The following CHMP6 variants were observed in gnomAD, a reference collection of about 807,000 sequenced individuals.
The protein encoded by CHMP6 is charged multivesicular body protein 6, also known as chromatin-modifying protein 6.
A neutral mutation model predicts 32.8 loss-of-function variants in CHMP6; 10 were observed. The ratio of observed to expected loss-of-function variants is 0.30; its 90% CI spans 0.19 to 0.52. CHMP6 has a LOEUF of 0.52. Ranked by LOEUF, CHMP6 falls within the 20% of genes least tolerant of loss-of-function variation. The pLI is 0.97. For missense variants in CHMP6, 269 were observed against 263.8 expected (o/e 1.02, Z -0.14); for synonymous variants, 123 against 105.8 (o/e 1.16, Z -1.00).
At chr17:80,997,135 C>T (rs1312707002) in intron 5 of CHMP6, 63 bp downstream of exon 5, 3 of 1,603,860 alleles carry the variant, frequency 1.9e-6, no homozygotes, top group East Asian at 2.2e-5. Flanking sequence ...CCCTCGAGGG[C>T]CAAACTGTCC....
chr17:80,998,512 C>G, intron 7 of CHMP6, 92 bp downstream of exon 7: 2 of 1,606,590 alleles, frequency 1.2e-6, no homozygotes, highest in Non-Finnish European at 1.7e-6. Context: ...CCCAGGCCTT[C>G]CTGGGCCGTG....
chr17:80,995,804 T>C, intron 4 of CHMP6, 46 bp downstream of exon 4: 2 of 1,568,996 alleles, frequency 1.3e-6, no homozygotes, highest in Non-Finnish European at 1.8e-6. Context: ...GGGAGCCCAT[T>C]GGGCTGGAGC....
chr17:80,998,805 A>C (rs1176257834), intron 7 of CHMP6: 1 of 810,102 alleles, frequency 1.2e-6, no homozygotes, highest in Non-Finnish European at 1.8e-6. Flanking sequence ...CTGACTTTAG[A>C]ACCGTCCATC....
intron 1 of CHMP6, among the ~76,000 whole-genome samples, chr17:80,992,376 C>T (rs919938224): frequency 3.8e-5 from 5 of 130,262 alleles, no homozygotes; most frequent in African/African-American, 1.5e-4. Flanking sequence ...GGTCCCGGCT[C>T]TCCCGGAGTC....
intron 7 of CHMP6, among the ~76,000 whole-genome samples, 170 bp from the exon 8 acceptor site, chr17:80,998,928 A>G (rs1023500594): frequency 1.5e-4 from 23 of 152,180 alleles, no homozygotes; most frequent in Non-Finnish European, 1.5e-5. Flanking sequence ...CCTGTCTGTC[A>G]GCCCCATTGG....
At chr17:80,996,975 C>T (rs764623927) in intron 4 of CHMP6, 32 bp from the exon 5 acceptor site, 4 of 1,597,616 alleles carry the variant, frequency 2.5e-6, no homozygotes, top group Admixed American at 1.7e-5. Context: ...GGCCTCGCGA[C>T]AGGGGTCAAC....
chr17:80,997,354 C>CAGGACTGAGCACAGTCACT lies in CHMP6; in HGVS notation c.495+13_495+14insAGGACTGAGCACAGTCACT. 1 of 1,609,388 alleles carries CAGGACTGAGCACAGTCACT rather than the reference C, an allele frequency of 6.2e-7. No homozygotes were observed. Among genetic ancestry groups the CAGGACTGAGCACAGTCACT allele is most frequent in the Non-Finnish European group, 8.5e-7 (1 of 1,177,528 alleles). On this transcript the variant is annotated intron_variant, in intron 6 of 7. Transcript: ENST00000325167. ...CGCAATCACTCAGGTAACGGCCCCC[C>CAGGACTGAGCACAGTCACT]CGGGACTGAGCACAGTCACTCAGGC...
chr17:80,994,374 C>T (rs556795992), intron 1 of CHMP6, among the ~76,000 whole-genome samples: 5 of 152,308 alleles, frequency 3.3e-5, no homozygotes, highest in East Asian at 3.9e-4. Flanking sequence ...CTGGTGGGGC[C>T]GCCTCTTGTG....
rs1202247088 is a variant in CHMP6 at position 80,995,774 on chromosome 17, G to T, written c.348+16G>T. 5.0e-6 allele frequency: 8 copies of T among 1,612,552 alleles called. No individual in the cohort carries two copies. Among genetic ancestry groups the T allele is most frequent in the African/African-American group, 1.3e-5 (1 of 75,038 alleles). ...GATGCACCAGGTGAGTCTCTGCAGGGCCAGGGGCATGGAGGTGTGGGGAGC... is the reference window on the plus strand; with the variant it reads ...GATGCACCAGGTGAGTCTCTGCAGGTCCAGGGGCATGGAGGTGTGGGGAGC... On this transcript the variant is annotated intron_variant, in intron 4 of 7. Coordinates refer to ENST00000325167, the MANE Select transcript of CHMP6 (RefSeq NM_024591.5).
chr17:80,998,309 A>AGGCAGCCCGG, intron 6 of CHMP6, 57 bp from the exon 7 acceptor site: 1 of 1,599,180 alleles, frequency 6.3e-7, no homozygotes, highest in Non-Finnish European at 8.6e-7. Flanking sequence ...GGGGAGGCCC[A>AGGCAGCCCGG]GGCAGCCCGG....
At chr17:80,998,285 A>C in intron 6 of CHMP6, 81 bp from the exon 7 acceptor site, 1 of 1,497,230 alleles carries the variant, frequency 6.7e-7, no homozygotes, top group Non-Finnish European at 9.3e-7. Context: ...GACGGACAGG[A>C]TCCGTGTCCT....
chr17:80,998,395 C>T lies in CHMP6; in HGVS notation c.525C>T (p.Ser175=), dbSNP rs773215747. The part of the protein sequence containing the change: ...QEQIELPEVP[S]EPLPEKIPEN... ...AAATAGAGCTGCCAGAGGTTCCCTC[C>T]GAGCCCCTTCCTGAGAAGATCCCAG... The change falls in exon 7 of 8, where the codon TCC becomes TCT. Residue 175 remains serine, a synonymous_variant. Transcript: ENST00000325167. 1.4e-5 allele frequency: 23 copies of T among 1,614,068 alleles called. No homozygotes were observed. The highest frequency in any genetic ancestry group is 1.1e-4 in the African/African-American group (8 of 74,930).
chr17:80,998,333 C>G, intron 6 of CHMP6, 33 bp from the exon 7 acceptor site: 2 of 1,613,782 alleles, frequency 1.2e-6, no homozygotes, highest in Non-Finnish European at 1.7e-6. Flanking sequence ...AGACCTGTCA[C>G]CTGCTCATAG....
chr17:80,994,518 C>G, intron 1 of CHMP6, 63 bp from the exon 2 acceptor site: 1 of 1,441,786 alleles, frequency 6.9e-7, no homozygotes, highest in Non-Finnish European at 9.4e-7. Flanking sequence ...GCCTGGCGCT[C>G]AGTAGCGTGG....
chr17:80,996,892 TAAATAA>T, intron 4 of CHMP6, 109 bp from the exon 5 acceptor site: 1 of 1,063,924 alleles, frequency 9.4e-7, no homozygotes, highest in Non-Finnish European at 1.3e-6. Flanking sequence ...TCTTTAAAAA[TAAATAA>T]AAATAAACAG....
chr17:80,994,235 T>C (rs1006385263), intron 1 of CHMP6, among the ~76,000 whole-genome samples: 1 of 152,178 alleles, frequency 6.6e-6, no homozygotes, highest in Non-Finnish European at 1.5e-5. Flanking sequence ...TTTGAGGTCC[T>C]GGCAGCTGCT....
chr17:80,991,860 C>T lies in CHMP6; in HGVS notation c.-59C>T, dbSNP rs1179877517. On this transcript the variant is annotated 5_prime_UTR_variant, in exon 1 of 8. Coordinates refer to ENST00000325167, the MANE Select transcript of CHMP6 (RefSeq NM_024591.5). ...AGCGGGAGGACCCGAGCTACGGTGG[C>T]CGCGGGGCGGCGGTGGCGATTGGAC... 1.5e-6 allele frequency: 2 copies of T among 1,296,350 alleles called. No individual in the cohort carries two copies. The highest frequency in any genetic ancestry group is 2.0e-6 in the Non-Finnish European group (2 of 1,003,814). 80.3% of individuals were successfully genotyped at this position (1,296,350 alleles called of 1,614,324 possible). A position where few individuals can be genotyped will look rare whatever the true frequency, so the allele number is the denominator to read the frequency against.
At position 80,991,936 on chromosome 17, in the gene CHMP6, C is replaced by A; in HGVS notation, c.18C>A (p.Gly6=). MGNLF[G]RKKQSRVTEQ... is the part of the protein sequence containing the mutation. ...GCGCCGCCATGGGTAACCTGTTCGG[C>A]CGCAAGAAGCAGAGCCGCGTCACGG... Residue 6 remains glycine, a synonymous_variant, in exon 1 of 8, where the codon GGC becomes GGA. Coordinates refer to ENST00000325167, the MANE Select transcript of CHMP6 (RefSeq NM_024591.5). 6.8e-7 allele frequency: 1 copy of A among 1,468,404 alleles called. No individual in the cohort carries two copies. Among genetic ancestry groups the A allele is most frequent in the Non-Finnish European group, 9.1e-7 (1 of 1,104,192 alleles). 91.0% of individuals were successfully genotyped at this position (1,468,404 alleles called of 1,614,324 possible).
chr17:80,998,004 C>CA (rs930449536), intron 6 of CHMP6, among the ~76,000 whole-genome samples: 12 of 152,250 alleles, frequency 7.9e-5, no homozygotes, highest in African/African-American at 2.7e-4. Flanking sequence ...CGTTGTACCG[C>CA]AGCCCACCCC....
Sources: allele counts gnomAD v4.1 joint callset (sites outside exome capture counted in the v4.1 genomes callset), GRCh38; gene constraint gnomAD v4.1.1; transcripts MANE v1.5; gene names NCBI Gene and HGNC (gene_info 2026-07-23, HGNC 2026-07-21).